Variants in AOPEP observed in about 807,000 individuals in gnomAD.
AOPEP encodes the protein aminopeptidase O.
AOPEP carries 77 observed loss-of-function variants against 98.1 expected under a neutral mutation model. The observed-to-expected ratio is 0.78, with a 90% confidence interval of 0.65 to 0.95. The LOEUF is 0.95. AOPEP is among the 40% of genes least tolerant of loss of function. The pLI is 0.00. For synonymous variants in AOPEP, 346 were observed against 365.3 expected, an observed-to-expected ratio of 0.95 and a Z score of 0.60; for missense variants, 1,024 against 1,024.7, an observed-to-expected ratio of 1.00 and a Z score of 0.01.
intron 3 of AOPEP, among the ~76,000 whole-genome samples, chr9:94,789,426 C>A (rs1466326280): frequency 6.6e-6 from 1 of 152,108 alleles, no homozygotes; most frequent in Non-Finnish European, 1.5e-5. Context: ...CAGACCACAG[C>A]CCTTTGATTA....
intron 5 of AOPEP, among the ~76,000 whole-genome samples, chr9:94,822,925 C>T (rs1298054344): frequency 6.6e-6 from 1 of 152,154 alleles, no homozygotes; most frequent in African/African-American, 2.4e-5. Context: ...ACCCAGTTCC[C>T]TGCCTGTGGA....
chr9:95,074,214 C>G (rs1216621641), intron 14 of AOPEP, among the ~76,000 whole-genome samples: 1 of 152,318 alleles, frequency 6.6e-6, no homozygotes, highest in Admixed American at 6.5e-5. Flanking sequence ...AGACATACCC[C>G]GTCCTCCCTG....
At chr9:94,859,027 C>CAAAAATAAA (rs2044600000) in intron 5 of AOPEP, among the ~76,000 whole-genome samples, 1 of 132,816 alleles carries the variant, frequency 7.5e-6, no homozygotes, top group Non-Finnish European at 1.6e-5. Context: ...GACTCCATTT[C>CAAAAATAAA]AAAAAAAAAG....
At chr9:95,056,015 C>T (rs1008973758) in intron 13 of AOPEP, among the ~76,000 whole-genome samples, 1 of 152,114 alleles carries the variant, frequency 6.6e-6, no homozygotes, top group African/African-American at 2.4e-5. Flanking sequence ...AAGAATTGAT[C>T]TTTCTGTGTG....
intron 7 of AOPEP, among the ~76,000 whole-genome samples, chr9:94,937,836 A>G (rs1412641183): frequency 6.6e-6 from 1 of 152,146 alleles, no homozygotes; most frequent in African/African-American, 2.4e-5. Context: ...ACCACATTAA[A>G]TTGCCAATAT....
intron 5 of AOPEP, among the ~76,000 whole-genome samples, chr9:94,849,519 T>TG (rs1477064570): frequency 6.9e-6 from 1 of 145,400 alleles, no homozygotes; most frequent in African/African-American, 2.5e-5. Context: ...TTTTTTTTTT[T>TG]GCAGTAATAT....
chr9:94,853,061 A>G (rs558799037), intron 5 of AOPEP, among the ~76,000 whole-genome samples: 31 of 152,366 alleles, frequency 2.0e-4, no homozygotes, highest in South Asian at 8.3e-4. Flanking sequence ...GTACAGATAT[A>G]GAAATGTATA....
intron 11 of AOPEP, among the ~76,000 whole-genome samples, chr9:94,996,854 C>T (rs1351195394): frequency 1.3e-5 from 2 of 152,200 alleles, no homozygotes; most frequent in Non-Finnish European, 2.9e-5. Flanking sequence ...TGGAGGAAGT[C>T]AGCATGGGTT....
At chr9:94,762,807 TG>T (rs1162149559) in intron 2 of AOPEP, among the ~76,000 whole-genome samples, 1 of 152,232 alleles carries the variant, frequency 6.6e-6, no homozygotes, top group Admixed American at 6.5e-5. Flanking sequence ...TACTGGTAAC[TG>T]TTTGGATATG....
chr9:94,816,767 A>G (rs954743887), intron 5 of AOPEP, among the ~76,000 whole-genome samples: 18 of 151,958 alleles, frequency 1.2e-4, no homozygotes, highest in African/African-American at 3.6e-4. Context: ...AGGCTATGAG[A>G]GGTATATTCC....
At chr9:94,749,023 C>A (rs1017337772) in intron 1 of AOPEP, among the ~76,000 whole-genome samples, 4 of 152,178 alleles carry the variant, frequency 2.6e-5, no homozygotes, top group African/African-American at 9.7e-5. Context: ...GAATTAAGTT[C>A]TACATCTTTG....
downstream of AOPEP, among the ~76,000 whole-genome samples, chr9:95,088,935 G>A (rs947390005): frequency 3.3e-5 from 5 of 152,234 alleles, no homozygotes; most frequent in Non-Finnish European, 7.3e-5. Context: ...CCTGCCAGGA[G>A]TCGGCCTTTG....
At chr9:94,987,029 G>A (rs2060565710) in intron 11 of AOPEP, among the ~76,000 whole-genome samples, 2 of 152,238 alleles carry the variant, frequency 1.3e-5, no homozygotes, top group East Asian at 1.9e-4. Context: ...GCAAGAGGAA[G>A]CTTCTTCCAG....
intron 5 of AOPEP, among the ~76,000 whole-genome samples, chr9:94,870,463 C>G (rs1478105766): frequency 6.6e-6 from 1 of 152,122 alleles, no homozygotes; most frequent in Non-Finnish European, 1.5e-5. Context: ...ACAACAACCC[C>G]AAATGATAGG....
At chr9:95,107,133 T>A in the AOPEP span, 2 of 1,614,118 alleles carry the variant, frequency 1.2e-6, no homozygotes, top group African/African-American at 2.7e-5. Context: ...GAGGAGAAGG[T>A]GCCTGATCAG....
At chr9:94,898,606 TG>T in intron 5 of AOPEP, among the ~76,000 whole-genome samples, 1 of 144,502 alleles carries the variant, frequency 6.9e-6, no homozygotes, top group East Asian at 2.1e-4. Context: ...CACTCCAGCC[TG>T]GGCGACAGAA....
chr9:94,764,056 A>G (rs1224503582), intron 2 of AOPEP, among the ~76,000 whole-genome samples: 1 of 152,214 alleles, frequency 6.6e-6, no homozygotes, highest in Non-Finnish European at 1.5e-5. Flanking sequence ...GTAACTTTAC[A>G]CTAGAGAAAT....
intron 5 of AOPEP, among the ~76,000 whole-genome samples, chr9:94,869,971 A>ATTTTT (rs10556167): frequency 2.7e-4 from 25 of 93,562 alleles, no homozygotes; most frequent in African/African-American, 9.2e-4. Context: ...GAAGCCATGA[A>ATTTTT]TTTTTTTTTT....
the AOPEP span, chr9:95,126,656 G>A: frequency 6.9e-7 from 1 of 1,449,664 alleles, no homozygotes; most frequent in Non-Finnish European, 9.7e-7. Context: ...ATCAGCCAAA[G>A]GAGTTACTGG....
Sources: allele counts gnomAD v4.1 joint callset (sites outside exome capture counted in the v4.1 genomes callset), GRCh38; gene constraint gnomAD v4.1.1; transcripts MANE v1.5; gene names NCBI Gene and HGNC (gene_info 2026-07-23, HGNC 2026-07-21).